JAKMIP2: variants seen among roughly 807,000 people sequenced by gnomAD.
JAKMIP2 encodes janus kinase and microtubule-interacting protein 2.
JAKMIP2 carries 25 observed loss-of-function variants against 115.0 expected under a neutral mutation model. The ratio of observed to expected loss-of-function variants is 0.22; its 90% CI spans 0.16 to 0.30. The LOEUF is 0.30. JAKMIP2 is among the 10% of genes least tolerant of loss of function. JAKMIP2 has a pLI of 1.00. For missense variants in JAKMIP2, 642 were observed against 957.6 expected (o/e 0.67, Z 4.35); for synonymous variants, 334 against 343.6 (o/e 0.97, Z 0.31).
intron 20 of JAKMIP2, among the ~76,000 whole-genome samples, chr5:147,603,106 T>C (rs1440919433): frequency 6.6e-6 from 1 of 152,162 alleles, no homozygotes; most frequent in Non-Finnish European, 1.5e-5. Flanking sequence ...GAGATGCCCA[T>C]CACTTAATCT....
intron 2 of JAKMIP2, among the ~76,000 whole-genome samples, chr5:147,665,220 T>C (rs1229179476): frequency 6.6e-6 from 1 of 152,184 alleles, no homozygotes; most frequent in African/African-American, 2.4e-5. Flanking sequence ...ACATATTGCT[T>C]AAGGCTGCTT....
intron 1 of JAKMIP2, among the ~76,000 whole-genome samples, chr5:147,730,770 A>T (rs1753700536): frequency 6.6e-6 from 1 of 152,030 alleles, no homozygotes; most frequent in Non-Finnish European, 1.5e-5. Flanking sequence ...GCCCTATCTT[A>T]AGCCAGAATC....
At chr5:147,719,134 C>T (rs1202671917) in intron 1 of JAKMIP2, among the ~76,000 whole-genome samples, 1 of 133,184 alleles carries the variant, frequency 7.5e-6, no homozygotes, top group Non-Finnish European at 1.6e-5. Context: ...GCAGGTTGTT[C>T]AGTTTCCATG....
At position 147,718,591 on chromosome 5, in the gene JAKMIP2, G is replaced by A. The variant is rs1164297417; in HGVS notation, c.-148-46637C>T. ...TTAGTCTTGGGAGAGTGTATGTGTC[G>A]AGGAATTTATCCATTTCTTCTAGAT... On this transcript the variant is annotated intron_variant, in intron 1 of 21. Coordinates refer to ENST00000616793, the MANE Select transcript of JAKMIP2 (RefSeq NM_001270941.2). Among the ~76,000 whole-genome samples, 172 of 151,016 alleles carry A rather than the reference G, an allele frequency of 1.1e-3. 1 individual carries two copies. Among genetic ancestry groups the A allele is most frequent in the South Asian group, 4.0e-3 (19 of 4,754 alleles).
At chr5:147,721,914 G>A (rs915412160) in intron 1 of JAKMIP2, among the ~76,000 whole-genome samples, 4 of 152,094 alleles carry the variant, frequency 2.6e-5, no homozygotes, top group Admixed American at 2.0e-4. Context: ...AAGTGTGGGA[G>A]GAAATATGGG....
chr5:147,635,370 T>C (rs544911597), intron 12 of JAKMIP2, among the ~76,000 whole-genome samples: 130 of 151,690 alleles, frequency 8.6e-4, no homozygotes, highest in Non-Finnish European at 1.4e-3. Context: ...AGGAATACTG[T>C]TTTATGTTTT....
chr5:147,655,617 T>G (rs1758637821), intron 3 of JAKMIP2, among the ~76,000 whole-genome samples: 1 of 151,888 alleles, frequency 6.6e-6, no homozygotes, highest in African/African-American at 2.4e-5. Context: ...GTTAGTGGTC[T>G]GTTTTGTTAA....
intron 20 of JAKMIP2, among the ~76,000 whole-genome samples, chr5:147,604,987 C>T (rs573235260): frequency 6.6e-6 from 1 of 151,730 alleles, no homozygotes; most frequent in Admixed American, 6.6e-5. Context: ...CTCCCCACCC[C>T]CCGACAGGCC....
chr5:147,668,584 A>G (rs1444955479), intron 2 of JAKMIP2, among the ~76,000 whole-genome samples: 1 of 152,210 alleles, frequency 6.6e-6, no homozygotes, highest in Non-Finnish European at 1.5e-5. Flanking sequence ...CACCTCCTAC[A>G]GGCCAGGAAG....
At chr5:147,733,574 C>T (rs1187049492) in intron 1 of JAKMIP2, among the ~76,000 whole-genome samples, 2 of 152,206 alleles carry the variant, frequency 1.3e-5, no homozygotes, top group African/African-American at 4.8e-5. Flanking sequence ...ATCAACCCAT[C>T]ATTTACATTA....
At chr5:147,771,023 T>C (rs1755333986) in intron 1 of JAKMIP2, among the ~76,000 whole-genome samples, 1 of 152,134 alleles carries the variant, frequency 6.6e-6, no homozygotes, top group South Asian at 2.1e-4. Context: ...TGTTCTTGAA[T>C]GTAGATTTAA....
chr5:147,591,835 A>C (rs1755106504), intron 21 of JAKMIP2, 149 bp from the exon 22 acceptor site: 1 of 558,970 alleles, frequency 1.8e-6, no homozygotes, highest in Non-Finnish European at 3.2e-6. Context: ...CTCTAAGCTT[A>C]GTTACTTTAA....
intron 1 of JAKMIP2, among the ~76,000 whole-genome samples, chr5:147,706,178 G>C (rs1273859718): frequency 6.6e-6 from 1 of 152,132 alleles, no homozygotes; most frequent in Non-Finnish European, 1.5e-5. Flanking sequence ...ATTTAGATCT[G>C]ACAGGAAAAC....
In JAKMIP2 at chr5:147,760,322, A is replaced by T. The variant is rs187619517; in HGVS notation, c.-149+22134T>A. 6.6e-5 allele frequency among the ~76,000 whole-genome samples: 10 copies of T among 152,074 alleles called. No homozygotes were observed. The East Asian group carries it at 1.6e-3, about 24-fold the overall frequency. On this transcript the variant is annotated intron_variant, in intron 1 of 21. Transcript: ENST00000616793. Reference sequence around the variant, plus strand: ...CTGGGGAGAATGTAGCCAGAAAACAAGGAAGTCAAGCACTGAGCCTTGGTA... The same window carrying T: ...CTGGGGAGAATGTAGCCAGAAAACATGGAAGTCAAGCACTGAGCCTTGGTA...
At chr5:147,704,534 AGAG>A (rs1299714625) in intron 1 of JAKMIP2, among the ~76,000 whole-genome samples, 1 of 152,140 alleles carries the variant, frequency 6.6e-6, no homozygotes, top group African/African-American at 2.4e-5. Flanking sequence ...GTTAGGGAAG[AGAG>A]GAGGAGGCTC....
chr5:147,729,657 C>T (rs1259701426), intron 1 of JAKMIP2, among the ~76,000 whole-genome samples: 1 of 151,810 alleles, frequency 6.6e-6, no homozygotes, highest in Non-Finnish European at 1.5e-5. Flanking sequence ...GCCTGTAGTC[C>T]CAGCTACTCG....
chr5:147,738,446 C>T (rs1424998630), intron 1 of JAKMIP2, among the ~76,000 whole-genome samples: 2 of 152,120 alleles, frequency 1.3e-5, no homozygotes, highest in Admixed American at 6.5e-5. Flanking sequence ...TCCCCTATGT[C>T]ATTATAGATG....
At chr5:147,619,170 C>T (rs539100015) in intron 18 of JAKMIP2, among the ~76,000 whole-genome samples, 1 of 152,068 alleles carries the variant, frequency 6.6e-6, no homozygotes, top group Non-Finnish European at 1.5e-5. Flanking sequence ...ACCAGACATG[C>T]TTTGGTGAGA....
rs534776264 is a variant in JAKMIP2, at chr5:147,746,181, T to C, written c.-149+36275A>G. On this transcript the variant is annotated intron_variant, in intron 1 of 21. Coordinates refer to ENST00000616793, the MANE Select transcript of JAKMIP2 (RefSeq NM_001270941.2). ...ATGCATCAGACTCAGCCAGAGGAAA[T>C]AGGTATATTTAAGATTCTTTTGAGC... 2.4e-4 allele frequency among the ~76,000 whole-genome samples: 37 copies of C among 152,152 alleles called. 1 individual carries two copies. In the South Asian group the frequency reaches 6.6e-3, roughly 27 times the overall value.
Sources: allele counts gnomAD v4.1 joint callset (sites outside exome capture counted in the v4.1 genomes callset), GRCh38; gene constraint gnomAD v4.1.1; transcripts MANE v1.5; gene names NCBI Gene and HGNC (gene_info 2026-07-23, HGNC 2026-07-21).